Variants in ABHD5 observed in about 807,000 individuals in gnomAD.
The protein encoded by ABHD5 is 1-acylglycerol-3-phosphate O-acyltransferase ABHD5.
ABHD5 carries 30 observed loss-of-function variants against 44.9 expected under a neutral mutation model. That is an observed-to-expected ratio of 0.67 (90% CI 0.50 to 0.91). The LOEUF is 0.91. ABHD5 is among the 40% of genes least tolerant of loss of function. ABHD5 has a pLI of 0.00. For missense variants in ABHD5, 399 were observed against 423.4 expected, an observed-to-expected ratio of 0.94 and a Z score of 0.50; for synonymous variants, 167 against 147.0, an observed-to-expected ratio of 1.14 and a Z score of -0.99.
At chr3:43,699,576 T>G in intron 2 of ABHD5, 1 of 527,858 alleles carries the variant, frequency 1.9e-6, no homozygotes, top group Non-Finnish European at 3.4e-6. Context: ...CCTGTTATAC[T>G]CTTAAATTAG....
rs560686746 is a variant in ABHD5, at chr3:43,705,446, C to T, written c.506+2859C>T. Among the ~76,000 whole-genome samples, 31 of 152,240 alleles carry T rather than the reference C, an allele frequency of 2.0e-4. 1 individual carries two copies. The South Asian group carries it at 6.4e-3, about 32-fold the overall frequency. The stretch of plus-strand genomic sequence containing the variant: ...AAAGGTATTAGTGAGAATGTTTCTT[C>T]TAACATTTACACACACACACGTATA... On this transcript the variant is annotated intron_variant, in intron 3 of 6. Transcript: ENST00000644371.
chr3:43,707,459 G>T (rs1384053701), intron 3 of ABHD5, among the ~76,000 whole-genome samples: 1 of 152,128 alleles, frequency 6.6e-6, no homozygotes, highest in Admixed American at 6.5e-5. Flanking sequence ...TATTTAGTTT[G>T]TTGTTCTCTG....
chr3:43,700,182 A>G (rs775955154), intron 2 of ABHD5, among the ~76,000 whole-genome samples: 7 of 152,238 alleles, frequency 4.6e-5, no homozygotes, highest in Non-Finnish European at 7.3e-5. Context: ...TAGGATTCTT[A>G]TAAAATGAAT....
At chr3:43,699,221 G>A (rs2084509921) in intron 1 of ABHD5, 55 bp from the exon 2 acceptor site, 3 of 1,415,326 alleles carry the variant, frequency 2.1e-6, no homozygotes, top group Non-Finnish European at 3.0e-6. Context: ...GTGACAATTG[G>A]TAGTTGAGAA....
downstream of ABHD5, among the ~76,000 whole-genome samples, chr3:43,724,352 A>G (rs181669714): frequency 9.7e-4 from 147 of 152,250 alleles, no homozygotes; most frequent in African/African-American, 3.4e-3. Flanking sequence ...GAACTCTCAT[A>G]TACTGTCGGT....
Position 43,717,509 on chromosome 3 carries a change from G to A in ABHD5, c.774-162G>A, listed in dbSNP as rs539061234. 1.2e-4 allele frequency among the ~76,000 whole-genome samples: 19 copies of A among 152,330 alleles called. No homozygotes were observed. The South Asian group carries it at 3.5e-3, about 28-fold the overall frequency. On this transcript the variant is annotated intron_variant, in intron 5 of 6. Coordinates refer to ENST00000644371, the MANE Select transcript of ABHD5 (RefSeq NM_016006.6). ...TTGCTTATCTAACAGTGATCTGTGAGATTTGTTCCTTACACTGTCTCATAA... is the reference window on the plus strand; with the variant it reads ...TTGCTTATCTAACAGTGATCTGTGAAATTTGTTCCTTACACTGTCTCATAA...
At chr3:43,705,892 T>C (rs1426086824) in intron 3 of ABHD5, among the ~76,000 whole-genome samples, 1 of 152,206 alleles carries the variant, frequency 6.6e-6, no homozygotes, top group Non-Finnish European at 1.5e-5. Context: ...AAAAGAATTT[T>C]TTTCTGCTTG....
rs2084836275 is a variant in ABHD5, at chr3:43,721,545, A to G, written c.*3013A>G. The G allele has an allele frequency of 6.8e-6, 1 of 147,798 alleles. No homozygotes were observed. The highest frequency in any genetic ancestry group is 2.5e-5 in the African/African-American group (1 of 39,836). The allele number at this position is 147,798 out of a possible 1,614,324, so 9.2% of individuals were successfully genotyped here. ...AATTCAAAACCAACCTGGGCAACCT[A>G]GTAGGACTGGCTCTACCAAAAAAAA... On this transcript the variant is annotated 3_prime_UTR_variant, in exon 7 of 7. Coordinates refer to ENST00000644371, the MANE Select transcript of ABHD5 (RefSeq NM_016006.6).
intron 2 of ABHD5, 97 bp downstream of exon 2, chr3:43,699,458 T>A: frequency 1.7e-6 from 2 of 1,169,514 alleles, no homozygotes; most frequent in Non-Finnish European, 2.5e-6. Flanking sequence ...CTGTGGTGTG[T>A]TCATTGTTGG....
chr3:43,723,948 T>C (rs1254101980), downstream of ABHD5, among the ~76,000 whole-genome samples: 1 of 152,230 alleles, frequency 6.6e-6, no homozygotes, highest in East Asian at 1.9e-4. Flanking sequence ...CCCTTACCTT[T>C]AGGAGTACAT....
rs535550939 is a variant in ABHD5, at chr3:43,720,871, T to G, written c.*2339T>G. 2.2e-4 allele frequency: 33 copies of G among 152,198 alleles called. No individual in the cohort carries two copies. Among genetic ancestry groups the G allele is most frequent in the African/African-American group, 7.5e-4 (31 of 41,528 alleles). 9.4% of individuals were successfully genotyped at this position (152,198 alleles called of 1,614,324 possible). A position where few individuals can be genotyped will look rare whatever the true frequency, so the allele number is the denominator to read the frequency against. Reference sequence around the variant, plus strand: ...GCTTTACCTGGGTCCATGCATTCCCTTAAGATGACTTCTGTTTTCTTCTTT... The same window carrying G: ...GCTTTACCTGGGTCCATGCATTCCCGTAAGATGACTTCTGTTTTCTTCTTT... On this transcript the variant is annotated 3_prime_UTR_variant, in exon 7 of 7. Coordinates refer to ENST00000644371, the MANE Select transcript of ABHD5 (RefSeq NM_016006.6).
At chr3:43,715,115 G>T (rs2149604767) in intron 5 of ABHD5, 57 bp downstream of exon 5, 3 of 1,131,720 alleles carry the variant, frequency 2.7e-6, no homozygotes, top group Admixed American at 1.8e-5. Context: ...GTGTGTGTGT[G>T]TGTGTTTGTG....
intron 7 of ABHD5, among the ~76,000 whole-genome samples, chr3:43,731,040 C>T (rs1317413841): frequency 2.6e-5 from 4 of 151,654 alleles, no homozygotes; most frequent in Non-Finnish European, 4.4e-5. Context: ...ATGTTAGCCA[C>T]GGTGGTCTCG....
At position 43,733,787 on chromosome 3, in the gene ABHD5, G is replaced by A. The variant is rs572379127; in HGVS notation, c.*30-93G>A. 2.6e-5 allele frequency: 4 copies of A among 152,292 alleles called. No individual in the cohort carries two copies. In the South Asian group the frequency reaches 8.3e-4, roughly 32 times the overall value. The allele number at this position is 152,292 out of a possible 1,614,324, so 9.4% of individuals were successfully genotyped here. Reference sequence around the variant, plus strand: ...AAATTTTAAAATCTGTGTGCAAATGGGTGGTGATTGCATCATGTTAGGTTG... The same window carrying A: ...AAATTTTAAAATCTGTGTGCAAATGAGTGGTGATTGCATCATGTTAGGTTG... On this transcript the variant is annotated intron_variant, in intron 7 of 7. Coordinates refer to the ABHD5 transcript ENST00000454293.
downstream of ABHD5, among the ~76,000 whole-genome samples, chr3:43,726,010 C>T (rs932846660): frequency 5.3e-5 from 8 of 151,962 alleles, no homozygotes; most frequent in Non-Finnish European, 8.8e-5. Context: ...GGACTATAGG[C>T]GCCCACCACC....
chr3:43,698,790 T>G (rs1305030029), intron 1 of ABHD5, among the ~76,000 whole-genome samples: 1 of 152,246 alleles, frequency 6.6e-6, no homozygotes, highest in African/African-American at 2.4e-5. Context: ...ATATGAGATT[T>G]GAAGCCTTCT....
rs144716207 is a variant in ABHD5, at chr3:43,706,669, A to G, written c.506+4082A>G. ...GGGTTTCACTTTGTTGCCCAGGCCA[A>G]TGTCAAACTCCTGGCCTCGAATGAT... On this transcript the variant is annotated intron_variant, in intron 3 of 6. Transcript: ENST00000644371. Among the ~76,000 whole-genome samples the G allele has an allele frequency of 1.4e-4, 21 of 152,198 alleles. No homozygotes were observed. In the East Asian group the frequency reaches 2.5e-3, roughly 18 times the overall value.
Position 43,702,590 on chromosome 3 carries a change from A to G in ABHD5, c.506+3A>G, listed in dbSNP as rs749810227. On this transcript the variant is annotated splice_donor_region_variant and intron_variant, in intron 3 of 6. Transcript: ENST00000644371. ...TACTCGCTGAAGTACCCATCAAGGT[A>G]AGTGGTGGTGACAGAAGAGAGGGAT... is the stretch of plus-strand genomic sequence containing the variant. 5 of 1,614,060 alleles carry G rather than the reference A, an allele frequency of 3.1e-6. No individual in the cohort carries two copies. In the African/African-American group the frequency reaches 5.3e-5, roughly 17 times the overall value.
intron 7 of ABHD5, chr3:43,733,864 G>GT (rs1335574270): frequency 1.3e-5 from 2 of 152,202 alleles, no homozygotes; most frequent in Non-Finnish European, 2.9e-5. Context: ...CATTAACACT[G>GT]TTACTATTTT....
Sources: gnomAD v4.1 joint callset for allele counts (sites outside exome capture counted in the v4.1 genomes callset) on GRCh38, gnomAD v4.1.1 for gene constraint, MANE v1.5 for transcripts, NCBI Gene and HGNC (gene_info 2026-07-23, HGNC 2026-07-21) for gene names.